TECRL: variants seen among roughly 807,000 people sequenced by gnomAD.
TECRL encodes trans-2,3-enoyl-CoA reductase like, also known as trans-2,3-enoyl-CoA reductase-like.
A neutral mutation model predicts 52.8 loss-of-function variants in TECRL; 63 were observed. That is an observed-to-expected ratio of 1.19 (90% CI 0.97 to 1.47). The LOEUF (loss-of-function observed/expected upper bound fraction) is 1.47. TECRL is among the 40% of genes most tolerant of loss of function. The pLI, the probability that TECRL is intolerant of heterozygous loss-of-function variation, is 0.00. For missense variants in TECRL, 482 were observed against 429.6 expected (o/e 1.12, Z -1.08); for synonymous variants, 164 against 141.9 (o/e 1.16, Z -1.10).
At chr4:64,308,547 C>T (rs1724483987) in intron 6 of TECRL, among the ~76,000 whole-genome samples, 1 of 152,090 alleles carries the variant, frequency 6.6e-6, no homozygotes, top group African/African-American at 2.4e-5. Flanking sequence ...ATAAAAGGCC[C>T]AGAATTTATC....
intron 2 of TECRL, among the ~76,000 whole-genome samples, chr4:64,346,583 G>A (rs1365911915): frequency 2.0e-5 from 3 of 152,258 alleles, no homozygotes; most frequent in African/African-American, 7.2e-5. Flanking sequence ...GTGATGACTG[G>A]AACTGGAGCA....
At chr4:64,357,923 G>A (rs1434606827) in intron 2 of TECRL, among the ~76,000 whole-genome samples, 2 of 151,578 alleles carry the variant, frequency 1.3e-5, no homozygotes, top group Admixed American at 6.6e-5. Flanking sequence ...AAATGAAGAA[G>A]AATGTGGGTA....
At chr4:64,282,528 C>A (rs2881877) in intron 9 of TECRL, among the ~76,000 whole-genome samples, 104,183 of 151,686 alleles carry the variant, frequency 0.69, 36,800 homozygotes, top group Non-Finnish European at 0.77. Flanking sequence ...TTTTTTACAG[C>A]ATTTTTGTAG....
At chr4:64,337,506 A>T (rs1445943815) in intron 2 of TECRL, among the ~76,000 whole-genome samples, 1 of 152,200 alleles carries the variant, frequency 6.6e-6, no homozygotes, top group Non-Finnish European at 1.5e-5. Flanking sequence ...TGCAGATGAC[A>T]TGATTGTATA....
At chr4:64,408,169 G>A (rs1179173831) in intron 1 of TECRL, among the ~76,000 whole-genome samples, 1 of 151,710 alleles carries the variant, frequency 6.6e-6, no homozygotes, top group South Asian at 2.1e-4. Flanking sequence ...TTATGTGCTT[G>A]GCAATTATTA....
At chr4:64,321,129 G>A (rs1560497389) in intron 4 of TECRL, among the ~76,000 whole-genome samples, 1 of 151,738 alleles carries the variant, frequency 6.6e-6, no homozygotes, top group African/African-American at 2.4e-5. Context: ...TTTTCACACA[G>A]AAAATATTTT....
At chr4:64,328,650 G>T in intron 2 of TECRL, 94 bp from the exon 3 acceptor site, 1 of 1,092,958 alleles carries the variant, frequency 9.1e-7, no homozygotes, top group Non-Finnish European at 1.4e-6. Flanking sequence ...TTAGATCTAG[G>T]AAGTAAATAA....
At chr4:64,340,049 A>G (rs771641617) in intron 2 of TECRL, among the ~76,000 whole-genome samples, 2 of 152,162 alleles carry the variant, frequency 1.3e-5, no homozygotes, top group Admixed American at 6.5e-5. Flanking sequence ...GAATTACTCT[A>G]TACAGAGATA....
chr4:64,288,960 T>C (rs1307446386), intron 9 of TECRL, among the ~76,000 whole-genome samples: 1 of 152,150 alleles, frequency 6.6e-6, no homozygotes, highest in African/African-American at 2.4e-5. Flanking sequence ...TCTCACTAAC[T>C]GACTACCACT....
chr4:64,375,910 G>A (rs534679397), intron 1 of TECRL, among the ~76,000 whole-genome samples: 16 of 151,738 alleles, frequency 1.1e-4, no homozygotes, highest in South Asian at 4.2e-4. Context: ...TCAAGCCATC[G>A]CAATACTTTT....
intron 1 of TECRL, among the ~76,000 whole-genome samples, chr4:64,384,035 T>C (rs1723002682): frequency 6.6e-6 from 1 of 152,166 alleles, no homozygotes; most frequent in Non-Finnish European, 1.5e-5. Context: ...AGGCTTAGGC[T>C]GCACTTGTAG....
At chr4:64,298,121 T>G (rs1233892574) in intron 8 of TECRL, among the ~76,000 whole-genome samples, 2 of 151,108 alleles carry the variant, frequency 1.3e-5, no homozygotes, top group Admixed American at 6.6e-5. Context: ...TTTCAATATT[T>G]AAAAAATATT....
At chr4:64,312,479 A>G (rs1717104243) in intron 5 of TECRL, among the ~76,000 whole-genome samples, 1 of 152,156 alleles carries the variant, frequency 6.6e-6, no homozygotes, top group Non-Finnish European at 1.5e-5. Flanking sequence ...TAAGAATAGT[A>G]AGGCTGGTGC....
chr4:64,308,060 G>A (rs894775073), intron 6 of TECRL, among the ~76,000 whole-genome samples: 4 of 152,216 alleles, frequency 2.6e-5, no homozygotes, highest in African/African-American at 7.2e-5. Flanking sequence ...AAAAGCCAGA[G>A]CAGTTATCTC....
At chr4:64,292,759 A>G (rs1723460625) in intron 8 of TECRL, among the ~76,000 whole-genome samples, 1 of 152,050 alleles carries the variant, frequency 6.6e-6, no homozygotes. Context: ...TATTTCATAA[A>G]AAGTAACCAG....
intron 2 of TECRL, among the ~76,000 whole-genome samples, chr4:64,332,394 C>T (rs1718707006): frequency 6.6e-6 from 1 of 152,200 alleles, no homozygotes; most frequent in African/African-American, 2.4e-5. Flanking sequence ...TCCAGCCTTA[C>T]TGCTGGCAGA....
chr4:64,321,190 TAAA>T (rs1445886835), intron 4 of TECRL, among the ~76,000 whole-genome samples: 3 of 151,956 alleles, frequency 2.0e-5, no homozygotes, highest in Non-Finnish European at 4.4e-5. Context: ...AAATATATCT[TAAA>T]AAGAAAGACT....
intron 1 of TECRL, among the ~76,000 whole-genome samples, chr4:64,406,386 C>A (rs1216088855): frequency 2.0e-5 from 3 of 151,612 alleles, no homozygotes; most frequent in Admixed American, 1.3e-4. Context: ...ATATATCTAT[C>A]CTAAGCATTA....
At chr4:64,381,150 T>C (rs150566566) in intron 1 of TECRL, among the ~76,000 whole-genome samples, 2 of 152,136 alleles carry the variant, frequency 1.3e-5, no homozygotes, top group African/African-American at 4.8e-5. Flanking sequence ...TTTTGGTACC[T>C]ATTGTAAATG....
Sources: gnomAD v4.1 joint callset for allele counts (sites outside exome capture counted in the v4.1 genomes callset) on GRCh38, gnomAD v4.1.1 for gene constraint, MANE v1.5 for transcripts, NCBI Gene and HGNC (gene_info 2026-07-23, HGNC 2026-07-21) for gene names.